CYP4X1: variants seen among roughly 807,000 people sequenced by gnomAD.
CYP4X1 encodes the protein cytochrome P450 4X1.
CYP4X1 carries 44 observed loss-of-function variants against 57.9 expected under a neutral mutation model. The ratio of observed to expected loss-of-function variants is 0.76; its 90% CI spans 0.60 to 0.98. The LOEUF is 0.98. CYP4X1 is among the 50% of genes least tolerant of loss of function. The pLI is 0.00. For missense variants in CYP4X1, 532 were observed against 623.9 expected, an observed-to-expected ratio of 0.85 and a Z score of 1.57; for synonymous variants, 227 against 228.6, an observed-to-expected ratio of 0.99 and a Z score of 0.06.
In CYP4X1 at chr1:47,036,038, A is replaced by C. The variant is rs1644176947; in HGVS notation, c.642A>C (p.Lys214Asn). 1 of 1,613,100 alleles carries C rather than the reference A, an allele frequency of 6.2e-7. No homozygotes were observed. Among genetic ancestry groups the C allele is most frequent in the Admixed American group, 1.7e-5 (1 of 59,952 alleles). ...QTNSTHDPYA[K>N]AIFELSKIIF... ...CTAGCACCCATGATCCTTATGCAAA[A>C]GCCATATTTGAACTCAGCAAAATCA... is the stretch of plus-strand genomic sequence containing the variant. Residue 214 changes from lysine (K) to asparagine (N), a missense_variant, in exon 6 of 12, where the codon AAA (lysine) becomes AAC (asparagine). Coordinates refer to ENST00000371901, the MANE Select transcript of CYP4X1 (RefSeq NM_178033.2).
At chr1:47,031,314 TG>T in intron 2 of CYP4X1, 121 bp from the exon 3 acceptor site, 1 of 1,182,178 alleles carries the variant, frequency 8.5e-7, no homozygotes, top group Non-Finnish European at 1.2e-6. Context: ...AAGTAAGCCC[TG>T]GGCTCTCTTT....
the CYP4X1 span, among the ~76,000 whole-genome samples, chr1:47,008,833 C>T: frequency 6.6e-6 from 1 of 152,174 alleles, no homozygotes; most frequent in African/African-American, 2.4e-5. Context: ...AAGGCCATTA[C>T]ATAATGGTAA....
At chr1:47,017,542 A>C in the CYP4X1 span, among the ~76,000 whole-genome samples, 1 of 152,136 alleles carries the variant, frequency 6.6e-6, no homozygotes, top group African/African-American at 2.4e-5. Flanking sequence ...AGTGAAGAGA[A>C]ACTATGAAAG....
At chr1:47,010,232 C>A in the CYP4X1 span, among the ~76,000 whole-genome samples, 1 of 152,206 alleles carries the variant, frequency 6.6e-6, no homozygotes, top group South Asian at 2.1e-4. Context: ...TGGGCTTCAA[C>A]CCTGGTATGC....
chr1:47,040,203 C>CA (rs1644230086), intron 8 of CYP4X1, among the ~76,000 whole-genome samples: 2 of 152,074 alleles, frequency 1.3e-5, no homozygotes, highest in Non-Finnish European at 2.9e-5. Context: ...AACACAAAGA[C>CA]ATAGAAGACA....
the CYP4X1 span, among the ~76,000 whole-genome samples, chr1:46,977,236 T>C: frequency 1.3e-5 from 2 of 152,118 alleles, no homozygotes; most frequent in East Asian, 3.9e-4. Context: ...GAAAAGAGAT[T>C]AGATGAATGG....
At chr1:46,999,845 T>A in the CYP4X1 span, among the ~76,000 whole-genome samples, 1 of 152,066 alleles carries the variant, frequency 6.6e-6, no homozygotes, top group Non-Finnish European at 1.5e-5. Flanking sequence ...TTGTCCACCA[T>A]CCCTATCTCT....
the CYP4X1 span, among the ~76,000 whole-genome samples, chr1:47,010,541 G>A: frequency 6.6e-6 from 1 of 152,146 alleles, no homozygotes; most frequent in African/African-American, 2.4e-5. Flanking sequence ...ATTCAACATA[G>A]TGTTGGAAGT....
chr1:46,971,424 T>C, the CYP4X1 span, among the ~76,000 whole-genome samples: 1 of 152,244 alleles, frequency 6.6e-6, no homozygotes, highest in Non-Finnish European at 1.5e-5. Context: ...TTTATATTTC[T>C]TTGGGTATAT....
chr1:47,050,184 T>G lies in CYP4X1; in HGVS notation c.*10T>G. 1.9e-6 allele frequency: 3 copies of G among 1,613,390 alleles called. No individual in the cohort carries two copies. The highest frequency in any genetic ancestry group is 2.5e-6 in the Non-Finnish European group (3 of 1,179,716). On this transcript the variant is annotated 3_prime_UTR_variant, in exon 12 of 12. Transcript: ENST00000371901. ...ACTCTCTGAATGTTAGATCTCAGGG[T>G]ACAATGATTAAACGTACTTTGTTTT...
Position 47,050,382 on chromosome 1 carries a change from C to A in CYP4X1, c.*208C>A, listed in dbSNP as rs756082133. Reference sequence around the variant, plus strand: ...ATATAACTTTGGGAGATTTTCAGATCTTTTCTGTTAAACTTTCACTACTAT... The same window carrying A: ...ATATAACTTTGGGAGATTTTCAGATATTTTCTGTTAAACTTTCACTACTAT... On this transcript the variant is annotated 3_prime_UTR_variant, in exon 12 of 12. Transcript: ENST00000371901. The A allele has an allele frequency of 3.9e-5, 20 of 517,946 alleles. No individual in the cohort carries two copies. Among genetic ancestry groups the A allele is most frequent in the Non-Finnish European group, 6.5e-5 (19 of 292,324 alleles). The allele number at this position is 517,946 out of a possible 1,614,324, so 32.1% of individuals were successfully genotyped here.
intron 6 of CYP4X1, 50 bp downstream of exon 6, chr1:47,036,221 C>A: frequency 6.4e-7 from 1 of 1,553,322 alleles, no homozygotes; most frequent in Admixed American, 1.9e-5. Context: ...CATGATTGTA[C>A]TGTGTCTGTC....
the CYP4X1 span, among the ~76,000 whole-genome samples, chr1:46,980,696 A>C: frequency 6.6e-6 from 1 of 152,226 alleles, no homozygotes; most frequent in African/African-American, 2.4e-5. Context: ...AAAAGAACAA[A>C]GCTGGAGACA....
intron 8 of CYP4X1, among the ~76,000 whole-genome samples, chr1:47,042,332 A>G (rs1644256000): frequency 2.7e-5 from 4 of 148,066 alleles, no homozygotes; most frequent in Admixed American, 6.8e-5. Flanking sequence ...TGGAATTTTG[A>G]TGGAGATTGC....
chr1:47,033,330 T>C lies in CYP4X1; in HGVS notation c.454T>C (p.Tyr152His), dbSNP rs1569624848. ...PGFHFNILKAYIEVMAHSVKM... is the reference protein window; with the variant it reads ...PGFHFNILKAHIEVMAHSVKM... ...ATTCCATTTTAACATCCTGAAAGCA[T>C]ACATTGAGGTGATGGCTCATTCTGT... The change falls in exon 4 of 12, where the codon TAC becomes CAC. Residue 152 changes from tyrosine to histidine, a missense_variant. Tyr to His is a moderately conservative substitution (Grantham distance 83). Coordinates refer to ENST00000371901, the MANE Select transcript of CYP4X1 (RefSeq NM_178033.2). 1.2e-6 allele frequency: 2 copies of C among 1,613,826 alleles called. No homozygotes were observed. Among genetic ancestry groups the C allele is most frequent in the East Asian group, 4.5e-5 (2 of 44,878 alleles).
intron 8 of CYP4X1, among the ~76,000 whole-genome samples, chr1:47,041,144 T>G (rs1386498492): frequency 6.6e-6 from 1 of 152,214 alleles, no homozygotes; most frequent in Non-Finnish European, 1.5e-5. Context: ...GGCTAATTGT[T>G]AGTCCATTGT....
chr1:47,008,624 C>T, the CYP4X1 span, among the ~76,000 whole-genome samples: 1 of 152,110 alleles, frequency 6.6e-6, no homozygotes, highest in Non-Finnish European at 1.5e-5. Context: ...AAGACACAGA[C>T]TGGCAAATTG....
At chr1:47,019,032 A>G (rs1049975941), upstream of CYP4X1, among the ~76,000 whole-genome samples, 2 of 152,220 alleles carry the variant, frequency 1.3e-5, no homozygotes, top group Non-Finnish European at 2.9e-5. Flanking sequence ...AACTGGTTAC[A>G]GGAAGAAAGC....
chr1:46,975,259 GT>G, the CYP4X1 span, among the ~76,000 whole-genome samples: 6 of 151,930 alleles, frequency 3.9e-5, no homozygotes, highest in East Asian at 7.7e-4. Context: ...ATTTTATAGT[GT>G]TGTGGTCTAT....
Sources: gnomAD v4.1 joint callset for allele counts (sites outside exome capture counted in the v4.1 genomes callset) on GRCh38, gnomAD v4.1.1 for gene constraint, MANE v1.5 for transcripts, NCBI Gene and HGNC (gene_info 2026-07-23, HGNC 2026-07-21) for gene names.